Variants in FRAS1 observed in about 807,000 individuals in gnomAD.
FRAS1 encodes the protein extracellular matrix organizing protein FRAS1.
A neutral mutation model predicts 435.2 loss-of-function variants in FRAS1; 290 were observed. The ratio of observed to expected loss-of-function variants is 0.67; its 90% CI spans 0.61 to 0.73. FRAS1 has a LOEUF of 0.73. Ranked by LOEUF, FRAS1 falls within the 30% of genes least tolerant of loss-of-function variation. FRAS1 has a pLI of 0.00. For missense variants in FRAS1, 4,860 were observed against 5,001.5 expected (o/e 0.97, Z 0.85); for synonymous variants, 1,800 against 1,851.0 (o/e 0.97, Z 0.71).
At position 78,429,202 on chromosome 4, in the gene FRAS1, A is replaced by T; in HGVS notation, c.4819A>T (p.Ser1607Cys). ...FQVTAPRLAV[S>C]PGGSTSVGLQ... ...GGTCACAGCTCCACGGCTGGCGGTC[A>T]GCCCAGGAGGCAGCACTTCTGTAGG... Residue 1607 changes from serine to cysteine, a missense_variant, in exon 36 of 74, where the codon AGC becomes TGC. Physicochemically the swap from Ser to Cys is moderately radical, Grantham distance 112 (BLOSUM62 -1). Transcript: ENST00000512123. The T allele has an allele frequency of 6.2e-7, 1 of 1,607,526 alleles. No homozygotes were observed. Among genetic ancestry groups the T allele is most frequent in the Non-Finnish European group, 8.5e-7 (1 of 1,177,316 alleles).
intron 2 of FRAS1, among the ~76,000 whole-genome samples, chr4:78,158,140 A>C (rs1230727232): frequency 6.6e-6 from 1 of 152,178 alleles, no homozygotes; most frequent in Non-Finnish European, 1.5e-5. Flanking sequence ...CTTTTGCTTA[A>C]GATTGCTTTT....
intron 7 of FRAS1, among the ~76,000 whole-genome samples, chr4:78,265,722 G>T (rs1237209969): frequency 3.9e-5 from 6 of 152,110 alleles, no homozygotes; most frequent in African/African-American, 1.4e-4. Flanking sequence ...AGCTGGTCCA[G>T]AAAAAGGTTA....
intron 2 of FRAS1, among the ~76,000 whole-genome samples, chr4:78,195,664 G>C (rs573217876): frequency 1.3e-5 from 2 of 152,174 alleles, no homozygotes; most frequent in African/African-American, 4.8e-5. Flanking sequence ...TCCAGGTGCT[G>C]TCTTGTCACC....
At chr4:78,528,138 G>C (rs944890919) in intron 70 of FRAS1, among the ~76,000 whole-genome samples, 2 of 152,128 alleles carry the variant, frequency 1.3e-5, no homozygotes, top group African/African-American at 4.8e-5. Context: ...AGAATGTCGA[G>C]GTTTGAGAAG....
rs1726669481 is a variant in FRAS1, at chr4:78,271,361, CG to C, written c.981+3930del. On this transcript the variant is annotated intron_variant, in intron 9 of 73. Transcript: ENST00000512123. The stretch of plus-strand genomic sequence containing the variant: ...TAAGTTCTGGGGTGCATGTGCACAA[CG>C]TGCAGGTTTGTTACATATGTATACA... Among the ~76,000 whole-genome samples, 3 of 152,124 alleles carry C rather than the reference CG, an allele frequency of 2.0e-5. No individual in the cohort carries two copies. In the South Asian group the frequency reaches 6.2e-4, roughly 32 times the overall value.
intron 4 of FRAS1, among the ~76,000 whole-genome samples, chr4:78,249,570 G>A (rs1480268337): frequency 2.0e-5 from 3 of 151,860 alleles, no homozygotes; most frequent in Non-Finnish European, 2.9e-5. Flanking sequence ...TGATCCACTC[G>A]CCTTGGCCTC....
chr4:78,125,929 C>T (rs532845449), intron 2 of FRAS1, among the ~76,000 whole-genome samples: 1 of 152,302 alleles, frequency 6.6e-6, no homozygotes, highest in East Asian at 1.9e-4. Context: ...CAGGCAGGGA[C>T]GTTTAAGTCT....
At chr4:78,233,975 A>G (rs1049477462) in intron 2 of FRAS1, among the ~76,000 whole-genome samples, 1 of 152,236 alleles carries the variant, frequency 6.6e-6, no homozygotes, top group African/African-American at 2.4e-5. Context: ...CCTTGCAGGA[A>G]GATGGCAGAG....
rs13125425 is a variant in FRAS1, at chr4:78,450,508, A to T, written c.6463+169A>T. 146 of 600,880 alleles carry T rather than the reference A, an allele frequency of 2.4e-4. 2 individuals are homozygous for T. The highest frequency in any genetic ancestry group is 7.8e-4 in the South Asian group (37 of 47,406). The allele number at this position is 600,880 out of a possible 1,614,324, so 37.2% of individuals were successfully genotyped here. On this transcript the variant is annotated intron_variant, in intron 45 of 73. Transcript: ENST00000512123. ...TTATTTTTTTTTTCTTTTTGTTTTTAAAAAAGCCCTATCTTTCTTGGTTGA... is the reference window on the plus strand; with the variant it reads ...TTATTTTTTTTTTCTTTTTGTTTTTTAAAAAGCCCTATCTTTCTTGGTTGA...
At chr4:78,519,650 C>T (rs74589954) in intron 67 of FRAS1, among the ~76,000 whole-genome samples, 169 bp downstream of exon 67, 21,228 of 152,156 alleles carry the variant, frequency 0.14, 1,783 homozygotes, top group Non-Finnish European at 0.2. Context: ...AGAATGATGT[C>T]CTTCTGTCCT....
At chr4:78,099,969 A>G (rs1183391467) in intron 2 of FRAS1, among the ~76,000 whole-genome samples, 2 of 152,140 alleles carry the variant, frequency 1.3e-5, no homozygotes, top group African/African-American at 4.8e-5. Flanking sequence ...GCAGCCTGAG[A>G]AGGAAACTGG....
intron 2 of FRAS1, among the ~76,000 whole-genome samples, chr4:78,104,386 G>A (rs1201459356): frequency 6.6e-6 from 1 of 152,174 alleles, no homozygotes; most frequent in Non-Finnish European, 1.5e-5. Context: ...CACAACCTTG[G>A]CAGATGGGTG....
intron 64 of FRAS1, among the ~76,000 whole-genome samples, chr4:78,512,487 A>G (rs865793748): frequency 1.6e-4 from 24 of 148,756 alleles, no homozygotes; most frequent in African/African-American, 6.0e-4. Flanking sequence ...ACTTTCAGTA[A>G]ACACGCTCAA....
chr4:78,271,526 C>T (rs566937355), intron 9 of FRAS1, among the ~76,000 whole-genome samples: 6 of 152,286 alleles, frequency 3.9e-5, no homozygotes, highest in Admixed American at 3.3e-4. Context: ...CAGGTGTTCT[C>T]ATTGTTCAAT....
At chr4:78,385,175 T>C (rs753650644) in intron 28 of FRAS1, among the ~76,000 whole-genome samples, 3 of 152,132 alleles carry the variant, frequency 2.0e-5, no homozygotes, top group Non-Finnish European at 2.9e-5. Flanking sequence ...AGAATACATA[T>C]AGTTGTAGCT....
intron 32 of FRAS1, among the ~76,000 whole-genome samples, chr4:78,417,329 G>A (rs1272581415): frequency 6.6e-6 from 1 of 151,904 alleles, no homozygotes; most frequent in Admixed American, 6.6e-5. Flanking sequence ...TCAGAATATC[G>A]CATGGTACTC....
intron 2 of FRAS1, among the ~76,000 whole-genome samples, chr4:78,146,468 T>C (rs1019726134): frequency 6.6e-6 from 1 of 152,182 alleles, no homozygotes; most frequent in Non-Finnish European, 1.5e-5. Context: ...CTCCTCTTCC[T>C]ATCCTCCCAA....
At chr4:78,368,946 G>A (rs980185706) in intron 22 of FRAS1, among the ~76,000 whole-genome samples, 1 of 152,176 alleles carries the variant, frequency 6.6e-6, no homozygotes, top group African/African-American at 2.4e-5. Context: ...GAAGGCGAAA[G>A]TGTACTCTGA....
chr4:78,334,642 T>C (rs551479297), intron 19 of FRAS1, among the ~76,000 whole-genome samples: 2 of 152,302 alleles, frequency 1.3e-5, no homozygotes, highest in East Asian at 3.9e-4. Flanking sequence ...GTGCTGGGAT[T>C]ACAGGCATGA....
Sources: allele counts gnomAD v4.1 joint callset (sites outside exome capture counted in the v4.1 genomes callset), GRCh38; gene constraint gnomAD v4.1.1; transcripts MANE v1.5; gene names NCBI Gene and HGNC (gene_info 2026-07-23, HGNC 2026-07-21).